Variants in GALNTL6 observed in about 807,000 individuals in gnomAD.
The protein encoded by GALNTL6 is polypeptide N-acetylgalactosaminyltransferase-like 6.
A neutral mutation model predicts 73.7 loss-of-function variants in GALNTL6; 46 were observed. The observed-to-expected ratio is 0.62, with a 90% CI of 0.49 to 0.80. The LOEUF is 0.80. GALNTL6 is among the 30% of genes least tolerant of loss of function. The pLI is 0.00. For missense variants in GALNTL6, 604 were observed against 755.0 expected (o/e 0.80, Z 2.34); for synonymous variants, 259 against 263.7 (o/e 0.98, Z 0.17).
intron 2 of GALNTL6, among the ~76,000 whole-genome samples, chr4:172,216,919 G>C (rs1207177019): frequency 6.6e-6 from 1 of 152,146 alleles, no homozygotes; most frequent in Non-Finnish European, 1.5e-5. Context: ...AAGGGAATGG[G>C]AAGTGGGGGA....
At chr4:172,315,954 T>C (rs1740529438) in intron 4 of GALNTL6, among the ~76,000 whole-genome samples, 1 of 152,082 alleles carries the variant, frequency 6.6e-6, no homozygotes, top group African/African-American at 2.4e-5. Flanking sequence ...AATATACATA[T>C]AAAATAGGGA....
At chr4:171,912,796 G>A (rs1404673614) in intron 2 of GALNTL6, among the ~76,000 whole-genome samples, 2 of 151,980 alleles carry the variant, frequency 1.3e-5, no homozygotes, top group East Asian at 1.9e-4. Context: ...GAAAACATGC[G>A]GTATTTGTGT....
intron 5 of GALNTL6, among the ~76,000 whole-genome samples, chr4:172,620,060 G>A (rs1738895975): frequency 6.6e-6 from 1 of 152,032 alleles, no homozygotes; most frequent in Non-Finnish European, 1.5e-5. Context: ...TTTTCCAACA[G>A]CACTGTCACA....
chr4:171,896,819 GTAATC>G (rs1736931193), intron 2 of GALNTL6, among the ~76,000 whole-genome samples: 1 of 152,146 alleles, frequency 6.6e-6, no homozygotes, highest in African/African-American at 2.4e-5. Flanking sequence ...TATGTAGACT[GTAATC>G]TATTATACAA....
At chr4:172,081,966 T>A (rs555976988) in intron 2 of GALNTL6, among the ~76,000 whole-genome samples, 142 of 151,838 alleles carry the variant, frequency 9.4e-4, no homozygotes, top group Non-Finnish European at 1.7e-3. Context: ...AATCTCTGCC[T>A]CCCAGGCTCA....
intron 10 of GALNTL6, among the ~76,000 whole-genome samples, chr4:173,000,665 C>T (rs1426329719): frequency 6.6e-6 from 1 of 152,150 alleles, no homozygotes; most frequent in African/African-American, 2.4e-5. Flanking sequence ...TAATACAAAG[C>T]TACAGTAATC....
At chr4:172,450,215 TA>T (rs55660692) in intron 5 of GALNTL6, among the ~76,000 whole-genome samples, 78 of 142,906 alleles carry the variant, frequency 5.5e-4, no homozygotes, top group East Asian at 4.2e-3. Context: ...GAAACTCCAT[TA>T]AAAAAAAAAA....
rs553657446 is a variant in GALNTL6, at chr4:172,924,043, G to T, written c.1042-7118G>T. On this transcript the variant is annotated intron_variant, in intron 8 of 12. Coordinates refer to ENST00000506823, the MANE Select transcript of GALNTL6 (RefSeq NM_001034845.3). ...TGGGAACTAGGCAGGGAAAGGTAAG[G>T]GACTTAAGGCAGAAGCGGGAAAACT... Among the ~76,000 whole-genome samples, 204 of 152,130 alleles carry T rather than the reference G, an allele frequency of 1.3e-3. 5 individuals carry two copies. The South Asian group carries it at 0.041, about 31-fold the overall frequency.
At chr4:172,977,075 C>CAT (rs1253029776) in intron 10 of GALNTL6, among the ~76,000 whole-genome samples, 2 of 152,160 alleles carry the variant, frequency 1.3e-5, no homozygotes, top group African/African-American at 2.4e-5. Flanking sequence ...ACATGAAATC[C>CAT]ATATCATCAG....
chr4:172,694,649 C>A (rs1331865810), intron 5 of GALNTL6, among the ~76,000 whole-genome samples: 1 of 152,138 alleles, frequency 6.6e-6, no homozygotes, highest in Non-Finnish European at 1.5e-5. Flanking sequence ...AACCAGAAAG[C>A]ACAAGGTCTT....
At chr4:172,577,639 G>A (rs142010773) in intron 5 of GALNTL6, among the ~76,000 whole-genome samples, 59 of 152,100 alleles carry the variant, frequency 3.9e-4, no homozygotes, top group Non-Finnish European at 7.5e-4. Context: ...TGTTTACACA[G>A]GCCCCCAAGG....
intron 2 of GALNTL6, among the ~76,000 whole-genome samples, chr4:172,147,214 G>T (rs770973155): frequency 3.9e-5 from 6 of 152,020 alleles, no homozygotes; most frequent in Non-Finnish European, 8.8e-5. Context: ...TAGTTTTCTT[G>T]CATTTTAATG....
chr4:172,105,091 G>GA (rs371897008), intron 2 of GALNTL6, among the ~76,000 whole-genome samples: 2 of 150,526 alleles, frequency 1.3e-5, no homozygotes, highest in Admixed American at 6.6e-5. Flanking sequence ...TGTTCAAAGG[G>GA]AAAAAAAAGA....
chr4:172,182,887 T>C (rs1246579676), intron 2 of GALNTL6, among the ~76,000 whole-genome samples: 1 of 152,168 alleles, frequency 6.6e-6, no homozygotes, highest in Non-Finnish European at 1.5e-5. Context: ...ATGCCTTTAA[T>C]ATTGTGTTTT....
At chr4:172,639,422 G>A (rs898543664) in intron 5 of GALNTL6, among the ~76,000 whole-genome samples, 1 of 151,778 alleles carries the variant, frequency 6.6e-6, no homozygotes, top group African/African-American at 2.4e-5. Context: ...CTCTTCACTT[G>A]TTTCACTGTA....
intron 11 of GALNTL6, among the ~76,000 whole-genome samples, chr4:173,020,203 A>G (rs184127627): frequency 1.3e-5 from 2 of 152,278 alleles, no homozygotes; most frequent in Admixed American, 1.3e-4. Context: ...TGTACAGTTC[A>G]AATAACTCAA....
chr4:172,953,119 C>T (rs905678087), intron 10 of GALNTL6, among the ~76,000 whole-genome samples: 3 of 152,142 alleles, frequency 2.0e-5, no homozygotes, highest in Non-Finnish European at 4.4e-5. Context: ...AAATAAGCAC[C>T]AACCTTTCCA....
chr4:172,002,718 G>A (rs1471557451), intron 2 of GALNTL6, among the ~76,000 whole-genome samples: 3 of 152,062 alleles, frequency 2.0e-5, no homozygotes, highest in Non-Finnish European at 4.4e-5. Flanking sequence ...CTCAGAAAAT[G>A]TTTCATTGGT....
intron 2 of GALNTL6, among the ~76,000 whole-genome samples, chr4:171,837,655 TTAA>T (rs1229492896): frequency 1.4e-5 from 2 of 147,090 alleles, no homozygotes; most frequent in African/African-American, 2.5e-5. Context: ...TAATAATAAA[TTAA>T]TAATTAATAT....
Sources: gnomAD v4.1 joint callset for allele counts (sites outside exome capture counted in the v4.1 genomes callset) on GRCh38, gnomAD v4.1.1 for gene constraint, MANE v1.5 for transcripts, NCBI Gene and HGNC (gene_info 2026-07-23, HGNC 2026-07-21) for gene names.